Variants in HMGA2 observed in about 807,000 individuals in gnomAD.
HMGA2 encodes the protein high mobility group AT-hook 2, also known as high mobility group protein HMGI-C.
A neutral mutation model predicts 19.1 loss-of-function variants in HMGA2; 8 were observed. The observed-to-expected ratio is 0.42, with a 90% CI of 0.25 to 0.76. The LOEUF is 0.76. Among genes scored for constraint, HMGA2 ranks in the 30% least tolerant of loss-of-function variants. The pLI is 0.28. For missense variants in HMGA2, 109 were observed against 136.3 expected, an observed-to-expected ratio of 0.80 and a Z score of 1.00; for synonymous variants, 60 against 48.8, an observed-to-expected ratio of 1.23 and a Z score of -0.96.
At chr12:65,883,920 G>A (rs1202930840) in intron 3 of HMGA2, among the ~76,000 whole-genome samples, 4 of 152,308 alleles carry the variant, frequency 2.6e-5, no homozygotes, top group Non-Finnish European at 4.4e-5. Flanking sequence ...GCTAGAGTAC[G>A]GTGGCCCAAT....
intron 3 of HMGA2, among the ~76,000 whole-genome samples, chr12:65,876,051 A>G (rs1015365523): frequency 6.6e-6 from 1 of 151,998 alleles, no homozygotes; most frequent in Non-Finnish European, 1.5e-5. Flanking sequence ...CTCTTTGTTG[A>G]TGTCTTCAGT....
At chr12:65,876,150 A>T (rs1487712226) in intron 3 of HMGA2, among the ~76,000 whole-genome samples, 1 of 152,162 alleles carries the variant, frequency 6.6e-6, no homozygotes, top group Middle Eastern at 3.2e-3. Context: ...ATTCCATTAT[A>T]TAAATCTGTG....
intron 3 of HMGA2, among the ~76,000 whole-genome samples, chr12:65,932,896 T>A (rs945277639): frequency 5.9e-5 from 9 of 152,200 alleles, no homozygotes; most frequent in African/African-American, 2.2e-4. Flanking sequence ...TAAAAAACAA[T>A]TATTGCAATG....
chr12:65,866,543 G>A (rs1174722420), intron 3 of HMGA2, among the ~76,000 whole-genome samples: 2 of 152,146 alleles, frequency 1.3e-5, no homozygotes, highest in Non-Finnish European at 2.9e-5. Flanking sequence ...TCGGTTATGA[G>A]TGTGACAAGG....
intron 3 of HMGA2, among the ~76,000 whole-genome samples, chr12:65,903,143 C>T (rs1874443498): frequency 6.6e-6 from 1 of 152,104 alleles, no homozygotes; most frequent in Non-Finnish European, 1.5e-5. Flanking sequence ...CATTTCCCTT[C>T]AGCTGCTTTA....
chr12:65,935,499 T>C (rs1037047821), intron 3 of HMGA2, among the ~76,000 whole-genome samples: 1 of 152,006 alleles, frequency 6.6e-6, no homozygotes, highest in Non-Finnish European at 1.5e-5. Flanking sequence ...TGAATTTGGG[T>C]TTTTCTTTTT....
chr12:65,861,227 A>T (rs1170201842), intron 3 of HMGA2, among the ~76,000 whole-genome samples: 2 of 152,092 alleles, frequency 1.3e-5, no homozygotes, highest in Non-Finnish European at 2.9e-5. Flanking sequence ...ATGAGCGGGC[A>T]TGGTGACACA....
intron 4 of HMGA2, chr12:65,954,595 A>G (rs1876552617): frequency 6.6e-6 from 1 of 152,204 alleles, no homozygotes; most frequent in African/African-American, 2.4e-5. Flanking sequence ...GATAAATCTC[A>G]GCACCTGCAT....
Position 65,838,504 on chromosome 12 carries a change from C to CT in HMGA2, c.199-10dup, listed in dbSNP as rs1565702885. ...TCAGGTAGAAAACTATAATGACTTC[C>CT]TTTTTCATTTGCAGAAAGCAGAAGC... On this transcript the variant is annotated splice_polypyrimidine_tract_variant and intron_variant, in intron 2 of 4. Transcript: ENST00000403681. The CT allele has an allele frequency of 6.2e-7, 1 of 1,605,614 alleles. No individual in the cohort carries two copies. The highest frequency in any genetic ancestry group is 2.2e-5 in the East Asian group (1 of 44,730).
chr12:65,869,481 G>T (rs1304593662), intron 3 of HMGA2, among the ~76,000 whole-genome samples: 1 of 152,150 alleles, frequency 6.6e-6, no homozygotes, highest in East Asian at 1.9e-4. Flanking sequence ...CAAAGAGGGT[G>T]CTGTCAGTGG....
chr12:65,865,514 A>C (rs537273979), intron 3 of HMGA2, among the ~76,000 whole-genome samples: 1 of 152,110 alleles, frequency 6.6e-6, no homozygotes, highest in African/African-American at 2.4e-5. Flanking sequence ...AGGCTTTTTA[A>C]GGTTTTCAAA....
At chr12:65,902,090 A>G (rs979837844) in intron 3 of HMGA2, among the ~76,000 whole-genome samples, 6 of 152,150 alleles carry the variant, frequency 3.9e-5, no homozygotes, top group African/African-American at 1.4e-4. Flanking sequence ...CTGCACCAAT[A>G]TAAGGAGGAC....
chr12:65,925,742 G>A (rs1287474058), intron 3 of HMGA2, among the ~76,000 whole-genome samples: 6 of 151,582 alleles, frequency 4.0e-5, no homozygotes, highest in South Asian at 2.1e-4. Context: ...TTAAGTTTTC[G>A]ATGATCTTGC....
In HMGA2 at chr12:65,843,979, G is replaced by A. The variant is rs538804765; in HGVS notation, c.249+5410G>A. ...TAGGAGAATTGCTTGAACCTGGGAG[G>A]CAGAGGTTGCAGTGAGCTTGGTGAT... On this transcript the variant is annotated intron_variant, in intron 3 of 4. Transcript: ENST00000403681. Among the ~76,000 whole-genome samples, 18 of 150,016 alleles carry A rather than the reference G, an allele frequency of 1.2e-4. No homozygotes were observed. In the South Asian group the frequency reaches 3.6e-3, roughly 30 times the overall value.
chr12:65,847,552 G>A (rs1303599746), intron 3 of HMGA2, among the ~76,000 whole-genome samples: 3 of 152,122 alleles, frequency 2.0e-5, no homozygotes, highest in Non-Finnish European at 4.4e-5. Flanking sequence ...CAGCACCTAG[G>A]ACATAGGAGG....
Position 65,837,895 on chromosome 12 carries a change from T to C in HMGA2, c.199-624T>C, listed in dbSNP as rs541720687. Among the ~76,000 whole-genome samples the C allele has an allele frequency of 9.1e-4, 139 of 152,296 alleles. 1 individual carries two copies. Among genetic ancestry groups the C allele is most frequent in the Admixed American group, 4.6e-4 (7 of 15,308 alleles). The stretch of plus-strand genomic sequence containing the variant: ...CTGATGATTTCTGCCTGCTTTTTTT[T>C]CCTCTGCTTTAGGTGAACTGATTGA... On this transcript the variant is annotated intron_variant, in intron 2 of 4. Coordinates refer to ENST00000403681, the MANE Select transcript of HMGA2 (RefSeq NM_003483.6).
At chr12:65,869,499 T>A (rs1415984855) in intron 3 of HMGA2, among the ~76,000 whole-genome samples, 1 of 152,130 alleles carries the variant, frequency 6.6e-6, no homozygotes, top group Non-Finnish European at 1.5e-5. Context: ...TGGGGTCAAT[T>A]CTTAGGGATC....
At chr12:65,888,554 C>T (rs866740465) in intron 3 of HMGA2, among the ~76,000 whole-genome samples, 3,783 of 40,538 alleles carry the variant, frequency 0.093, 113 homozygotes, top group Middle Eastern at 0.16. Flanking sequence ...GTGGTGTGCT[C>T]TTTTTTTTTT....
intron 3 of HMGA2, chr12:65,858,843 T>G (rs1044966950): frequency 1.3e-5 from 2 of 152,264 alleles, no homozygotes; most frequent in Non-Finnish European, 2.9e-5. Context: ...CTACTTTTTA[T>G]TCTAATCAAC....
Sources: allele counts gnomAD v4.1 joint callset (sites outside exome capture counted in the v4.1 genomes callset), GRCh38; gene constraint gnomAD v4.1.1; transcripts MANE v1.5; gene names NCBI Gene and HGNC (gene_info 2026-07-23, HGNC 2026-07-21).